CHD1L: variants seen among roughly 807,000 people sequenced by gnomAD.
CHD1L encodes the protein ATP-dependent chromatin remodeler CHD1L.
CHD1L carries 118 observed loss-of-function variants against 115.9 expected under a neutral mutation model. The observed-to-expected ratio is 1.02, with a 90% CI of 0.88 to 1.19. CHD1L has a LOEUF of 1.19. CHD1L is among the 50% of genes most tolerant of loss of function. The probability of loss-of-function intolerance (pLI) is 0.00; values close to 1 mark genes in which losing one functional copy is unlikely to be tolerated. For synonymous variants in CHD1L, 411 were observed against 387.1 expected, an observed-to-expected ratio of 1.06 and a Z score of -0.72; for missense variants, 1,179 against 1,065.3, an observed-to-expected ratio of 1.11 and a Z score of -1.49.
chr1:147,214,511 C>T, the CHD1L span, among the ~76,000 whole-genome samples: 4 of 151,646 alleles, frequency 2.6e-5, no homozygotes, highest in Admixed American at 1.3e-4. Flanking sequence ...CACTAGCAAT[C>T]CAGCACTATT....
chr1:147,290,507 C>G (rs1406775091), intron 19 of CHD1L, among the ~76,000 whole-genome samples: 1 of 152,152 alleles, frequency 6.6e-6, no homozygotes, highest in Non-Finnish European at 1.5e-5. Flanking sequence ...GAGCAGATGT[C>G]TTTGCAGAAG....
intron 22 of CHD1L, among the ~76,000 whole-genome samples, 163 bp from the exon 23 acceptor site, chr1:147,295,268 A>G (rs587731855): frequency 1.1e-4 from 16 of 152,352 alleles, no homozygotes; most frequent in African/African-American, 3.6e-4. Context: ...TCTGAAAACA[A>G]CAGCAGCAAT....
intron 14 of CHD1L, 89 bp from the exon 15 acceptor site, chr1:147,279,936 TG>T: frequency 7.6e-7 from 1 of 1,323,764 alleles, no homozygotes; most frequent in Non-Finnish European, 1.1e-6. Flanking sequence ...GGACTGTGCC[TG>T]GTGTCGTTAA....
At chr1:147,191,631 G>T in the CHD1L span, among the ~76,000 whole-genome samples, 3 of 151,074 alleles carry the variant, frequency 2.0e-5, no homozygotes, top group Non-Finnish European at 4.4e-5. Flanking sequence ...CCATTTTCTT[G>T]GTTGCCTGTT....
chr1:147,198,573 G>A, the CHD1L span, among the ~76,000 whole-genome samples: 2 of 151,708 alleles, frequency 1.3e-5, no homozygotes, highest in African/African-American at 2.4e-5. Context: ...GCCTGAGGCC[G>A]GGTACAGTGA....
chr1:147,245,122 T>G (rs781993158), intron 1 of CHD1L, among the ~76,000 whole-genome samples: 12 of 152,228 alleles, frequency 7.9e-5, no homozygotes, highest in Non-Finnish European at 1.3e-4. Flanking sequence ...GCTTGCTTTT[T>G]CACTACTTGT....
Position 147,259,846 on chromosome 1 carries a change from G to T in CHD1L, c.504G>T (p.Trp168Cys), listed in dbSNP as rs782465288. 1 of 1,613,540 alleles carries T rather than the reference G, an allele frequency of 6.2e-7. No individual in the cohort carries two copies. Among genetic ancestry groups the T allele is most frequent in the Non-Finnish European group, 8.5e-7 (1 of 1,179,680 alleles). Reference protein sequence around the residue: ...KDASFLKSFPWSVLVVDEAHR... With the variant: ...KDASFLKSFPCSVLVVDEAHR... ...GGGTTTTCTCTCACAGATTCCCTTG[G>T]AGTGTTCTTGTTGTGGATGAAGCTC... The change falls in exon 6 of 23, where the codon TGG becomes TGT. Residue 168 changes from tryptophan (W) to cysteine (C), a missense_variant. By Grantham distance (215) the Trp-to-Cys change is radical (BLOSUM62 -2). Transcript: ENST00000369258.
the CHD1L span, among the ~76,000 whole-genome samples, chr1:147,205,850 G>T: frequency 3.9e-5 from 6 of 152,048 alleles, no homozygotes; most frequent in Non-Finnish European, 5.9e-5. Flanking sequence ...CAGGACATAG[G>T]CATGGGCAAG....
chr1:147,226,838 C>CTT, the CHD1L span, among the ~76,000 whole-genome samples: 123,671 of 149,008 alleles, frequency 0.83, 52,051 homozygotes, highest in Non-Finnish European at 0.92. Context: ...AACTGTCGAA[C>CTT]TTTTTTTTTT....
At chr1:147,256,046 A>G (rs1047945543) in intron 4 of CHD1L, 119 bp downstream of exon 4, 14 of 575,642 alleles carry the variant, frequency 2.4e-5, no homozygotes, top group African/African-American at 9.4e-5. Flanking sequence ...CAGGGAGTCT[A>G]CCTTCATCAG....
intron 14 of CHD1L, 79 bp downstream of exon 14, chr1:147,276,336 G>A: frequency 8.2e-7 from 1 of 1,214,848 alleles, no homozygotes; most frequent in Non-Finnish European, 1.1e-6. Context: ...AAAAGAACCA[G>A]CACTCACCCT....
At chr1:147,217,688 T>C in the CHD1L span, among the ~76,000 whole-genome samples, 1 of 152,218 alleles carries the variant, frequency 6.6e-6, no homozygotes, top group Non-Finnish European at 1.5e-5. Context: ...TCCTTTGAAG[T>C]CTCTTCTTCT....
chr1:147,201,592 A>G, the CHD1L span: 1 of 900,502 alleles, frequency 1.1e-6, no homozygotes. Context: ...GTGGAGGTAA[A>G]CAGGATGCCA....
At chr1:147,197,318 C>A in the CHD1L span, among the ~76,000 whole-genome samples, 1 of 152,164 alleles carries the variant, frequency 6.6e-6, no homozygotes, top group East Asian at 1.9e-4. Flanking sequence ...GCTCTCATGG[C>A]AGCTCTTCTG....
At chr1:147,226,775 T>G in the CHD1L span, among the ~76,000 whole-genome samples, 38 of 152,232 alleles carry the variant, frequency 2.5e-4, no homozygotes, top group Admixed American at 4.6e-4. Flanking sequence ...ATTGAATTTT[T>G]TGTTGTATTT....
At chr1:147,190,141 A>C in the CHD1L span, 1 of 1,339,798 alleles carries the variant, frequency 7.5e-7, no homozygotes, top group East Asian at 2.3e-5. Context: ...AATAAGTAGA[A>C]ATGTAACCAT....
intron 7 of CHD1L, among the ~76,000 whole-genome samples, chr1:147,264,836 A>C (rs1449402840): frequency 6.6e-6 from 1 of 152,200 alleles, no homozygotes; most frequent in Non-Finnish European, 1.5e-5. Flanking sequence ...GAAGAAATAG[A>C]AAGTGCCTGC....
the CHD1L span, among the ~76,000 whole-genome samples, chr1:147,207,134 T>C: frequency 3.3e-5 from 5 of 152,136 alleles, no homozygotes; most frequent in East Asian, 9.6e-4. Context: ...AATTATATGA[T>C]GGTTATGTAG....
At chr1:147,285,209 A>T (rs1215104411) in intron 16 of CHD1L, 115 bp from the exon 17 acceptor site, 7 of 1,171,566 alleles carry the variant, frequency 6.0e-6, no homozygotes, top group Non-Finnish European at 1.2e-6. Context: ...GTGTGTGGAG[A>T]TGCAGTGTTC....
Sources: gnomAD v4.1 joint callset for allele counts (sites outside exome capture counted in the v4.1 genomes callset) on GRCh38, gnomAD v4.1.1 for gene constraint, MANE v1.5 for transcripts, NCBI Gene and HGNC (gene_info 2026-07-23, HGNC 2026-07-21) for gene names.